RPS6KC1: variants seen among roughly 807,000 people sequenced by gnomAD.
The protein encoded by RPS6KC1 is ribosomal protein S6 kinase C1.
In RPS6KC1, 54 loss-of-function variants were observed where a neutral mutation model predicts 103.8. That is an observed-to-expected ratio of 0.52 (90% confidence interval 0.42 to 0.65). The LOEUF (loss-of-function observed/expected upper bound fraction) is 0.65. RPS6KC1 is among the 30% of genes least tolerant of loss of function. The pLI is 0.00. For synonymous variants in RPS6KC1, 439 were observed against 438.7 expected, an observed-to-expected ratio of 1.00 and a Z score of -0.01; for missense variants, 1,151 against 1,253.8, an observed-to-expected ratio of 0.92 and a Z score of 1.24.
the RPS6KC1 span, among the ~76,000 whole-genome samples, chr1:213,849,696 G>A: frequency 2.6e-5 from 4 of 151,826 alleles, no homozygotes; most frequent in Admixed American, 1.3e-4. Context: ...ATCTATTCAG[G>A]GATTCTCAAG....
the RPS6KC1 span, among the ~76,000 whole-genome samples, chr1:213,836,796 C>T: frequency 6.6e-6 from 1 of 152,106 alleles, no homozygotes; most frequent in African/African-American, 2.4e-5. Flanking sequence ...GCTCAGAACC[C>T]TCTTAATTGA....
the RPS6KC1 span, among the ~76,000 whole-genome samples, chr1:213,700,548 A>G: frequency 3.3e-5 from 5 of 149,760 alleles, no homozygotes; most frequent in African/African-American, 1.3e-4. Context: ...GTCTTTTGTG[A>G]TTACATTTAA....
intron 12 of RPS6KC1, among the ~76,000 whole-genome samples, chr1:213,251,912 T>A (rs1043838530): frequency 1.3e-5 from 2 of 152,064 alleles, no homozygotes; most frequent in South Asian, 4.2e-4. Flanking sequence ...TGAAAAGGAG[T>A]CTACCCAAAC....
At chr1:213,141,835 CT>C (rs934504673) in intron 6 of RPS6KC1, among the ~76,000 whole-genome samples, 21 of 145,516 alleles carry the variant, frequency 1.4e-4, no homozygotes. Context: ...TTTTTTTTTT[CT>C]TTTTTCATTA....
the RPS6KC1 span, among the ~76,000 whole-genome samples, chr1:213,429,436 C>T: frequency 8.8e-3 from 1,345 of 152,334 alleles, 17 homozygotes; most frequent in African/African-American, 0.03. Flanking sequence ...GTGTGAGCCA[C>T]CATGCTAGGC....
the RPS6KC1 span, among the ~76,000 whole-genome samples, chr1:213,364,618 G>A: frequency 6.6e-6 from 1 of 152,070 alleles, no homozygotes; most frequent in East Asian, 1.9e-4. Flanking sequence ...ACCAGGGGGT[G>A]CCCAGCTAGA....
At chr1:213,520,691 A>G in the RPS6KC1 span, among the ~76,000 whole-genome samples, 4 of 152,152 alleles carry the variant, frequency 2.6e-5, no homozygotes, top group African/African-American at 4.8e-5. Flanking sequence ...TAAGGCAAGA[A>G]AGAGGACAGG....
chr1:213,639,056 T>G, the RPS6KC1 span, among the ~76,000 whole-genome samples: 1 of 152,100 alleles, frequency 6.6e-6, no homozygotes, highest in Non-Finnish European at 1.5e-5. Context: ...GCATATATAC[T>G]CTGTATATGT....
the RPS6KC1 span, among the ~76,000 whole-genome samples, chr1:213,557,110 G>A: frequency 3.3e-5 from 5 of 152,064 alleles, no homozygotes; most frequent in Admixed American, 2.0e-4. Flanking sequence ...AAACTAGATG[G>A]CTCCTCACCT....
At chr1:213,100,480 C>T (rs749717390) in intron 3 of RPS6KC1, among the ~76,000 whole-genome samples, 1 of 152,090 alleles carries the variant, frequency 6.6e-6, no homozygotes, top group Non-Finnish European at 1.5e-5. Context: ...AGATTTGTTA[C>T]CTGGTTATAT....
At chr1:213,244,699 A>G (rs2094425989) in intron 12 of RPS6KC1, among the ~76,000 whole-genome samples, 1 of 152,172 alleles carries the variant, frequency 6.6e-6, no homozygotes, top group Non-Finnish European at 1.5e-5. Context: ...GAAATACCGA[A>G]TTTAATACAG....
the RPS6KC1 span, among the ~76,000 whole-genome samples, chr1:213,649,936 G>A: frequency 6.6e-5 from 10 of 152,248 alleles, no homozygotes; most frequent in East Asian, 1.9e-4. Flanking sequence ...TAGACCTCTC[G>A]GCATTCATGG....
the RPS6KC1 span, among the ~76,000 whole-genome samples, chr1:213,467,628 T>A: frequency 2.3e-3 from 354 of 152,304 alleles, 1 homozygote; most frequent in African/African-American, 8.0e-3. Flanking sequence ...AGAAATAGAT[T>A]GGGATTGAGG....
chr1:213,754,633 A>G, the RPS6KC1 span, among the ~76,000 whole-genome samples: 1 of 152,210 alleles, frequency 6.6e-6, no homozygotes, highest in Non-Finnish European at 1.5e-5. Context: ...ATCCATGAGT[A>G]AAAGTTCCCT....
At chr1:213,799,352 G>T in the RPS6KC1 span, among the ~76,000 whole-genome samples, 1 of 152,206 alleles carries the variant, frequency 6.6e-6, no homozygotes, top group African/African-American at 2.4e-5. Context: ...AAATCATTAG[G>T]GATGGTGTTT....
the RPS6KC1 span, among the ~76,000 whole-genome samples, chr1:213,498,133 T>C: frequency 6.6e-6 from 1 of 152,172 alleles, no homozygotes; most frequent in East Asian, 1.9e-4. Flanking sequence ...ATTTCCTGGG[T>C]GAACATTATC....
chr1:213,158,057 T>A (rs2090092118), intron 6 of RPS6KC1, among the ~76,000 whole-genome samples: 1 of 152,234 alleles, frequency 6.6e-6, no homozygotes. Context: ...TTTGAATCAA[T>A]GTATATCTTC....
chr1:213,562,873 A>C, the RPS6KC1 span, among the ~76,000 whole-genome samples: 2 of 151,946 alleles, frequency 1.3e-5, no homozygotes, highest in South Asian at 2.1e-4. Context: ...TATGTTGCCC[A>C]GGCTGGTCTT....
chr1:213,428,477 C>CCTCT, the RPS6KC1 span, among the ~76,000 whole-genome samples: 2 of 46,222 alleles, frequency 4.3e-5, no homozygotes, highest in Non-Finnish European at 7.4e-5. Context: ...TCCCTCCCTC[C>CCTCT]CTCCCTTCCT....
Sources: allele counts gnomAD v4.1 joint callset (sites outside exome capture counted in the v4.1 genomes callset), GRCh38; gene constraint gnomAD v4.1.1; transcripts MANE v1.5; gene names NCBI Gene and HGNC (gene_info 2026-07-23, HGNC 2026-07-21).